TFEC: variants seen among roughly 807,000 people sequenced by gnomAD.
TFEC encodes class E basic helix-loop-helix protein 34.
In TFEC, 31 loss-of-function variants were observed where a neutral mutation model predicts 41.6. The observed-to-expected ratio is 0.74, with a 90% confidence interval of 0.56 to 1.01. The LOEUF (loss-of-function observed/expected upper bound fraction) is 1.01, where lower values mean the gene tolerates loss of function less well. Ranked by LOEUF, TFEC falls within the 50% of genes least tolerant of loss-of-function variation. The probability of loss-of-function intolerance (pLI) is 0.00; values close to 1 mark genes in which losing one functional copy is unlikely to be tolerated. For missense variants in TFEC, 402 were observed against 404.1 expected, an observed-to-expected ratio of 0.99 and a Z score of 0.04; for synonymous variants, 143 against 140.6, an observed-to-expected ratio of 1.02 and a Z score of -0.12.
intron 1 of TFEC, among the ~76,000 whole-genome samples, chr7:116,010,009 A>G (rs1794939588): frequency 6.6e-6 from 1 of 152,178 alleles, no homozygotes; most frequent in Admixed American, 6.6e-5. Context: ...GGATGGGTGA[A>G]CAGGAAGTAA....
intron 3 of TFEC, among the ~76,000 whole-genome samples, chr7:116,076,006 C>G (rs1796951343): frequency 6.6e-6 from 1 of 152,180 alleles, no homozygotes; most frequent in Admixed American, 6.5e-5. Flanking sequence ...ACCAAGGACC[C>G]TCACAGAGTC....
intron 2 of TFEC, among the ~76,000 whole-genome samples, chr7:115,976,776 G>A (rs1793401696): frequency 1.3e-5 from 2 of 152,182 alleles, no homozygotes; most frequent in African/African-American, 4.8e-5. Context: ...AATTTATGAG[G>A]AGTGCTTTTC....
At chr7:115,965,750 A>G (rs963228562) in intron 3 of TFEC, among the ~76,000 whole-genome samples, 1 of 151,702 alleles carries the variant, frequency 6.6e-6, no homozygotes, top group Admixed American at 6.6e-5. Context: ...ATCTAAGTAA[A>G]ATTAACCTCT....
intron 3 of TFEC, among the ~76,000 whole-genome samples, chr7:115,965,509 G>C (rs560096353): frequency 6.6e-6 from 1 of 151,660 alleles, no homozygotes; most frequent in East Asian, 2.0e-4. Flanking sequence ...TATCAAAATA[G>C]CACCCTTTTT....
chr7:115,971,660 C>G (rs1164215686), intron 3 of TFEC, among the ~76,000 whole-genome samples: 2 of 151,992 alleles, frequency 1.3e-5, no homozygotes, highest in Non-Finnish European at 2.9e-5. Context: ...AAAACAATCT[C>G]TGGCAAAGGA....
chr7:116,033,079 C>A (rs1038238021), upstream of TFEC, among the ~76,000 whole-genome samples: 2 of 151,372 alleles, frequency 1.3e-5, no homozygotes, highest in African/African-American at 4.9e-5. Flanking sequence ...AGATGCATTT[C>A]AGTTAATTAA....
chr7:116,144,484 T>C (rs1266298052), intron 1 of TFEC, among the ~76,000 whole-genome samples: 1 of 152,162 alleles, frequency 6.6e-6, no homozygotes, highest in African/African-American at 2.4e-5. Context: ...GATTTTGGTA[T>C]GGAGGTATTT....
intron 3 of TFEC, among the ~76,000 whole-genome samples, chr7:116,093,435 G>C (rs1797374479): frequency 6.6e-6 from 1 of 151,984 alleles, no homozygotes; most frequent in South Asian, 2.1e-4. Flanking sequence ...ATTTCAGAAA[G>C]AAAAACTGAA....
At chr7:116,145,563 G>T (rs1199061831) in intron 1 of TFEC, among the ~76,000 whole-genome samples, 1 of 152,340 alleles carries the variant, frequency 6.6e-6, no homozygotes, top group Admixed American at 6.5e-5. Context: ...AGAAGCCAGA[G>T]TATTTCTACA....
chr7:116,012,271 T>C (rs1795030202), intron 1 of TFEC, among the ~76,000 whole-genome samples: 1 of 152,178 alleles, frequency 6.6e-6, no homozygotes, highest in Non-Finnish European at 1.5e-5. Flanking sequence ...AGAAGGCTTT[T>C]ATAAAGCAAA....
At chr7:115,985,346 T>C (rs1272213759) in intron 1 of TFEC, among the ~76,000 whole-genome samples, 4 of 152,154 alleles carry the variant, frequency 2.6e-5, no homozygotes, top group Non-Finnish European at 5.9e-5. Context: ...GCATTTCAAA[T>C]CTGCCCTTTA....
chr7:116,097,433 A>G (rs910870473), intron 3 of TFEC, among the ~76,000 whole-genome samples: 5 of 152,218 alleles, frequency 3.3e-5, no homozygotes, highest in African/African-American at 1.2e-4. Context: ...TTATAACAAT[A>G]TGCCAACATC....
chr7:116,095,776 GCT>G, intron 3 of TFEC, among the ~76,000 whole-genome samples: 1 of 151,940 alleles, frequency 6.6e-6, no homozygotes, highest in Non-Finnish European at 1.5e-5. Context: ...ATCTGGAGGA[GCT>G]CTCTTTCTTG....
intron 3 of TFEC, among the ~76,000 whole-genome samples, chr7:116,054,825 T>C (rs1468578392): frequency 6.6e-6 from 1 of 152,096 alleles, no homozygotes; most frequent in Non-Finnish European, 1.5e-5. Flanking sequence ...ACTTACAGGC[T>C]GAACTCCTAA....
intron 3 of TFEC, among the ~76,000 whole-genome samples, chr7:115,959,476 T>G (rs1243773909): frequency 6.6e-6 from 1 of 151,772 alleles, no homozygotes; most frequent in Non-Finnish European, 1.5e-5. Flanking sequence ...ACATATACAC[T>G]GCTATCTACA....
At chr7:116,126,422 A>G (rs925891168) in intron 1 of TFEC, among the ~76,000 whole-genome samples, 1 of 152,060 alleles carries the variant, frequency 6.6e-6, no homozygotes, top group Non-Finnish European at 1.5e-5. Context: ...AGGAGTCCCA[A>G]AAAGAAAATA....
At position 116,042,012 on chromosome 7, in the gene TFEC, G is replaced by A. The variant is rs138274302; in HGVS notation, c.199-57499C>T. ...AATCAAGCATTAGAAAAACACAAGT[G>A]TGACAGGGAAAAAACAGTGGTGGAA... On this transcript the variant is annotated intron_variant, in intron 3 of 8. Coordinates refer to the TFEC transcript ENST00000484212. 4.2e-3 allele frequency among the ~76,000 whole-genome samples: 640 copies of A among 152,056 alleles called. 3 individuals are homozygous for A. The highest frequency in any genetic ancestry group is 6.8e-3 in the Middle Eastern group (2 of 294).
intron 3 of TFEC, among the ~76,000 whole-genome samples, chr7:116,106,884 C>T (rs1797730873): frequency 6.6e-6 from 1 of 152,198 alleles, no homozygotes; most frequent in Non-Finnish European, 1.5e-5. Context: ...AGTCTGAAGT[C>T]TGTTCAACAC....
chr7:115,938,059 A>T lies in TFEC; in HGVS notation c.*2492T>A, dbSNP rs1029003772. On this transcript the variant is annotated 3_prime_UTR_variant, in exon 8 of 8. Coordinates refer to ENST00000265440, the MANE Select transcript of TFEC (RefSeq NM_012252.4). ...CCCTGACATCTCATAATCTGAATGT[A>T]GCAGCAAATAGCAGTTCCCTCTCCA... 6 of 152,044 alleles carry T rather than the reference A, an allele frequency of 3.9e-5. No homozygotes were observed. The highest frequency in any genetic ancestry group is 1.3e-4 in the Admixed American group (2 of 15,244). 9.4% of individuals were successfully genotyped at this position (152,044 alleles called of 1,614,324 possible). A position where few individuals can be genotyped will look rare whatever the true frequency, so the allele number is the denominator to read the frequency against.
Sources: allele counts gnomAD v4.1 joint callset (sites outside exome capture counted in the v4.1 genomes callset), GRCh38; gene constraint gnomAD v4.1.1; transcripts MANE v1.5; gene names NCBI Gene and HGNC (gene_info 2026-07-23, HGNC 2026-07-21).